RPH3A: variants seen among roughly 807,000 people sequenced by gnomAD.
RPH3A encodes rabphilin 3A.
A neutral mutation model predicts 102.2 loss-of-function variants in RPH3A; 48 were observed. The observed-to-expected ratio is 0.47, with a 90% CI of 0.37 to 0.60. The LOEUF is 0.60. Among genes scored for constraint, RPH3A ranks in the 20% least tolerant of loss-of-function variants. The pLI is 0.00. For synonymous variants in RPH3A, 310 were observed against 324.3 expected, an observed-to-expected ratio of 0.96 and a Z score of 0.47; for missense variants, 781 against 910.1, an observed-to-expected ratio of 0.86 and a Z score of 1.83.
chr12:112,849,406 G>T (rs2042284190), intron 5 of RPH3A, among the ~76,000 whole-genome samples: 1 of 125,566 alleles, frequency 8.0e-6, no homozygotes, highest in Admixed American at 7.9e-5. Flanking sequence ...CTCCAGACTG[G>T]CAGTGTGTGT....
chr12:112,587,336 A>C (rs186380601), intron 1 of RPH3A, among the ~76,000 whole-genome samples: 1 of 152,384 alleles, frequency 6.6e-6, no homozygotes, highest in Admixed American at 6.5e-5. Context: ...TCATAGTCTT[A>C]ATACGGTTCT....
At chr12:112,765,972 TCC>T (rs1229062676) in intron 1 of RPH3A, among the ~76,000 whole-genome samples, 1 of 152,212 alleles carries the variant, frequency 6.6e-6, no homozygotes, top group African/African-American at 2.4e-5. Context: ...CATGGACCCT[TCC>T]CCATACACAT....
chr12:112,861,289 G>T (rs560705596), intron 5 of RPH3A, among the ~76,000 whole-genome samples: 3 of 152,336 alleles, frequency 2.0e-5, no homozygotes, highest in Middle Eastern at 3.4e-3. Flanking sequence ...TTTGTCAACC[G>T]CATGTTGAGG....
chr12:112,840,796 C>T (rs774318695), intron 4 of RPH3A, among the ~76,000 whole-genome samples: 10 of 152,158 alleles, frequency 6.6e-5, no homozygotes, highest in Non-Finnish European at 1.3e-4. Flanking sequence ...ACCAATTCCC[C>T]GCTTCCACCT....
At chr12:112,778,881 G>C in intron 1 of RPH3A, among the ~76,000 whole-genome samples, 1 of 152,192 alleles carries the variant, frequency 6.6e-6, no homozygotes, top group East Asian at 1.9e-4. Context: ...CAGGGGATGA[G>C]ATAGATGAAT....
intron 1 of RPH3A, among the ~76,000 whole-genome samples, chr12:112,704,524 G>C (rs570261171): frequency 6.6e-6 from 1 of 152,262 alleles, no homozygotes; most frequent in South Asian, 2.1e-4. Context: ...GGTGGTGTGA[G>C]TGGTTTCCTT....
intron 1 of RPH3A, among the ~76,000 whole-genome samples, chr12:112,665,805 A>G (rs1319319194): frequency 6.6e-6 from 1 of 152,162 alleles, no homozygotes; most frequent in East Asian, 1.9e-4. Flanking sequence ...TAGGAATATC[A>G]GTTGTGAATT....
At chr12:112,730,594 C>T (rs1221731135) in intron 1 of RPH3A, among the ~76,000 whole-genome samples, 1 of 152,204 alleles carries the variant, frequency 6.6e-6, no homozygotes, top group African/African-American at 2.4e-5. Flanking sequence ...AATCCTGCTT[C>T]CTCCTTGGTT....
chr12:112,842,157 C>G (rs1005436761), intron 4 of RPH3A, among the ~76,000 whole-genome samples: 7 of 152,332 alleles, frequency 4.6e-5, no homozygotes, highest in Admixed American at 4.6e-4. Flanking sequence ...TCTATTCATT[C>G]ATTCTTTCTT....
rs2041649665 is a variant in RPH3A, at chr12:112,815,142, C to G, written c.-18-13159C>G. Among the ~76,000 whole-genome samples the G allele has an allele frequency of 1.3e-5, 2 of 152,166 alleles. 1 individual carries two copies. Among genetic ancestry groups the G allele is most frequent in the South Asian group, 4.1e-4 (2 of 4,830 alleles). The stretch of plus-strand genomic sequence containing the variant: ...GGTGCCTCCCATTGGACAAACCCAA[C>G]CAGAAGCCAGAGGGCCAGGAGCCTG... On this transcript the variant is annotated intron_variant, in intron 2 of 21. Transcript: ENST00000389385.
chr12:112,792,511 G>C (rs372426131), intron 2 of RPH3A, among the ~76,000 whole-genome samples: 1 of 152,354 alleles, frequency 6.6e-6, no homozygotes, highest in South Asian at 2.1e-4. Flanking sequence ...ATGCGATCAA[G>C]ATTGTGGCTT....
At chr12:112,623,342 CAAAAT>C (rs2039746154) in intron 1 of RPH3A, among the ~76,000 whole-genome samples, 1 of 43,306 alleles carries the variant, frequency 2.3e-5, no homozygotes, top group Admixed American at 2.8e-4. Context: ...TACATAGGCT[CAAAAT>C]AAAAGGATGG....
At chr12:112,797,250 C>T (rs1308608518) in intron 2 of RPH3A, among the ~76,000 whole-genome samples, 2 of 152,234 alleles carry the variant, frequency 1.3e-5, no homozygotes, top group African/African-American at 2.4e-5. Context: ...TGCTTTGGAG[C>T]GAGTTAATGC....
At chr12:112,877,392 G>A (rs1286451939) in intron 13 of RPH3A, among the ~76,000 whole-genome samples, 2 of 136,600 alleles carry the variant, frequency 1.5e-5, no homozygotes, top group Non-Finnish European at 3.0e-5. Flanking sequence ...CCAGGGATAC[G>A]CACACACGTA....
chr12:112,681,721 C>A (rs943253450), intron 1 of RPH3A, among the ~76,000 whole-genome samples: 15 of 152,054 alleles, frequency 9.9e-5, no homozygotes, highest in Non-Finnish European at 1.6e-4. Context: ...CAGAAAGATC[C>A]AAAGAATGAG....
At chr12:112,787,217 C>T (rs1284439327), upstream of RPH3A, among the ~76,000 whole-genome samples, 1 of 152,166 alleles carries the variant, frequency 6.6e-6, no homozygotes, top group East Asian at 1.9e-4. Context: ...TTGCAAAGTC[C>T]CACTTGCCAC....
intron 14 of RPH3A, among the ~76,000 whole-genome samples, chr12:112,881,475 A>T (rs947953384): frequency 4.6e-5 from 7 of 152,202 alleles, no homozygotes; most frequent in African/African-American, 1.4e-4. Context: ...TCACCACCTC[A>T]TGAAGCGGGT....
chr12:112,739,488 A>G (rs983403262), intron 1 of RPH3A, among the ~76,000 whole-genome samples: 35 of 152,318 alleles, frequency 2.3e-4, no homozygotes, highest in African/African-American at 8.2e-4. Context: ...AACAGGGAAC[A>G]ATGCCCAGAA....
intron 1 of RPH3A, among the ~76,000 whole-genome samples, chr12:112,634,951 T>C (rs913386122): frequency 1.3e-5 from 2 of 152,246 alleles, no homozygotes; most frequent in Admixed American, 1.3e-4. Flanking sequence ...TACATTTTTT[T>C]CCTCTTCCTT....
Sources: allele counts gnomAD v4.1 joint callset (sites outside exome capture counted in the v4.1 genomes callset), GRCh38; gene constraint gnomAD v4.1.1; transcripts MANE v1.5; gene names NCBI Gene and HGNC (gene_info 2026-07-23, HGNC 2026-07-21).